Variants in COL23A1 observed in about 807,000 individuals in gnomAD.
COL23A1 encodes collagen type XXIII alpha 1 chain, also known as collagen alpha-1(XXIII) chain.
Under a neutral mutation model 99.3 loss-of-function variants are expected in COL23A1, and 97 were observed. The ratio of observed to expected loss-of-function variants is 0.98; its 90% confidence interval spans 0.83 to 1.16. COL23A1 has a LOEUF of 1.16. COL23A1 is among the 50% of genes most tolerant of loss of function. COL23A1 has a pLI of 0.00. For synonymous variants in COL23A1, 320 were observed against 308.2 expected, an observed-to-expected ratio of 1.04 and a Z score of -0.40; for missense variants, 762 against 757.4, an observed-to-expected ratio of 1.01 and a Z score of -0.07.
intron 2 of COL23A1, among the ~76,000 whole-genome samples, chr5:178,498,253 TATATAA>T (rs1758332376): frequency 1.7e-4 from 10 of 59,234 alleles, no homozygotes; most frequent in Non-Finnish European, 1.9e-4. Flanking sequence ...TATATATATA[TATATAA>T]AAGAACTTAA....
At chr5:178,547,997 C>A (rs114011839) in intron 2 of COL23A1, among the ~76,000 whole-genome samples, 19 of 3,222 alleles carry the variant, frequency 5.9e-3, no homozygotes, top group South Asian at 0.015. Context: ...CCCCACACAC[C>A]CCCATACCCA....
chr5:178,480,145 G>GAA (rs879262058), intron 2 of COL23A1, among the ~76,000 whole-genome samples: 7 of 112,014 alleles, frequency 6.2e-5, no homozygotes, highest in Non-Finnish European at 3.8e-5. Context: ...TTGTACTCCA[G>GAA]AAAAAAAAAA....
At chr5:178,448,062 G>A (rs1767264148) in intron 2 of COL23A1, among the ~76,000 whole-genome samples, 1 of 152,236 alleles carries the variant, frequency 6.6e-6, no homozygotes, top group African/African-American at 2.4e-5. Context: ...GGGGTGCTTA[G>A]ATTAGGTCAT....
At chr5:178,464,921 G>T (rs1224714132) in intron 2 of COL23A1, among the ~76,000 whole-genome samples, 1 of 152,214 alleles carries the variant, frequency 6.6e-6, no homozygotes, top group Non-Finnish European at 1.5e-5. Context: ...GAAGTCTTCA[G>T]CTCTAAGCTC....
intron 2 of COL23A1, among the ~76,000 whole-genome samples, chr5:178,429,780 T>C (rs1766158256): frequency 6.6e-6 from 1 of 152,140 alleles, no homozygotes; most frequent in Admixed American, 6.5e-5. Flanking sequence ...TGGCTCCCCA[T>C]GGCCTACTGG....
chr5:178,568,758 G>A (rs531593894), intron 1 of COL23A1, among the ~76,000 whole-genome samples: 1 of 152,262 alleles, frequency 6.6e-6, no homozygotes, highest in East Asian at 1.9e-4. Flanking sequence ...ACATTGGCGT[G>A]GATCATTCAT....
At chr5:178,557,221 C>A (rs1371951436) in intron 2 of COL23A1, among the ~76,000 whole-genome samples, 1 of 152,200 alleles carries the variant, frequency 6.6e-6, no homozygotes, top group African/African-American at 2.4e-5. Flanking sequence ...GTCTCTGCCT[C>A]AAATCTCTCC....
chr5:178,350,483 G>A (rs1054430602), intron 2 of COL23A1, among the ~76,000 whole-genome samples: 1 of 152,162 alleles, frequency 6.6e-6, no homozygotes, highest in Non-Finnish European at 1.5e-5. Context: ...GAACAGAGGG[G>A]TGGCTGGGCC....
chr5:178,482,634 C>T (rs547582527), intron 2 of COL23A1, among the ~76,000 whole-genome samples: 27 of 152,330 alleles, frequency 1.8e-4, no homozygotes, highest in African/African-American at 6.3e-4. Flanking sequence ...TGGCCCACAC[C>T]TGTAATCCCA....
At chr5:178,258,894 G>A (rs1209377078) in intron 12 of COL23A1, among the ~76,000 whole-genome samples, 1 of 149,756 alleles carries the variant, frequency 6.7e-6, no homozygotes, top group East Asian at 2.0e-4. Context: ...TGAGGTCTTG[G>A]TGTATTGTCC....
At chr5:178,278,803 A>C (rs984981178) in intron 5 of COL23A1, among the ~76,000 whole-genome samples, 2 of 152,214 alleles carry the variant, frequency 1.3e-5, no homozygotes, top group African/African-American at 4.8e-5. Flanking sequence ...CCTCCTCTGC[A>C]AACTGAGTGT....
intron 2 of COL23A1, among the ~76,000 whole-genome samples, chr5:178,369,949 C>A (rs1224829290): frequency 6.6e-6 from 1 of 152,164 alleles, no homozygotes; most frequent in Non-Finnish European, 1.5e-5. Flanking sequence ...AGGTTCCAGG[C>A]CCTTCTAGAT....
At chr5:178,479,010 C>T (rs1757179875) in intron 2 of COL23A1, among the ~76,000 whole-genome samples, 5 of 152,056 alleles carry the variant, frequency 3.3e-5, no homozygotes, top group Admixed American at 2.6e-4. Flanking sequence ...CCCTGGCTTC[C>T]TGGGCCATGT....
At chr5:178,356,456 G>T (rs373040175) in intron 2 of COL23A1, among the ~76,000 whole-genome samples, 9 of 152,328 alleles carry the variant, frequency 5.9e-5, no homozygotes, top group African/African-American at 2.2e-4. Flanking sequence ...TTTGAGGTAT[G>T]TCTGGGGAGA....
At chr5:178,502,279 C>G (rs944703978) in intron 2 of COL23A1, among the ~76,000 whole-genome samples, 1 of 152,086 alleles carries the variant, frequency 6.6e-6, no homozygotes, top group Non-Finnish European at 1.5e-5. Context: ...CTACAGGCGC[C>G]CGCCACCACG....
chr5:178,373,981 C>T (rs1173210229), intron 2 of COL23A1, among the ~76,000 whole-genome samples: 1 of 152,148 alleles, frequency 6.6e-6, no homozygotes, highest in East Asian at 1.9e-4. Flanking sequence ...GCACCGGCGC[C>T]CGCACCCTTC....
At chr5:178,460,873 A>T (rs946143368) in intron 2 of COL23A1, among the ~76,000 whole-genome samples, 1 of 152,172 alleles carries the variant, frequency 6.6e-6, no homozygotes, top group Non-Finnish European at 1.5e-5. Context: ...TCAGTGCGGG[A>T]GGGAAGAGAG....
chr5:178,572,717 T>C (rs1333334916), intron 1 of COL23A1, among the ~76,000 whole-genome samples: 1 of 152,222 alleles, frequency 6.6e-6, no homozygotes, highest in Non-Finnish European at 1.5e-5. Context: ...GTACAGGGAC[T>C]GGCACGTGAA....
chr5:178,448,760 A>G (rs1016509473), intron 2 of COL23A1, among the ~76,000 whole-genome samples: 1 of 144,282 alleles, frequency 6.9e-6, no homozygotes, highest in Admixed American at 6.7e-5. Context: ...ACTGGAGATC[A>G]AGTTTCCCAC....
Sources: allele counts gnomAD v4.1 joint callset (sites outside exome capture counted in the v4.1 genomes callset), GRCh38; gene constraint gnomAD v4.1.1; transcripts MANE v1.5; gene names NCBI Gene and HGNC (gene_info 2026-07-23, HGNC 2026-07-21).